Variants in SLC6A16 observed in about 807,000 individuals in gnomAD.
SLC6A16 encodes solute carrier family 6 member 16.
Under a neutral mutation model 65.4 loss-of-function variants are expected in SLC6A16, and 54 were observed. That is an observed-to-expected ratio of 0.83 (90% CI 0.66 to 1.04). The LOEUF is 1.04. Among genes scored for constraint, SLC6A16 ranks in the 50% least tolerant of loss-of-function variants. The pLI, the probability that SLC6A16 is intolerant of heterozygous loss-of-function variation, is 0.00. For missense variants in SLC6A16, 816 were observed against 914.0 expected, an observed-to-expected ratio of 0.89 and a Z score of 1.38; for synonymous variants, 330 against 346.5, an observed-to-expected ratio of 0.95 and a Z score of 0.53.
At chr19:49,300,474 G>A (rs1466922034) in intron 7 of SLC6A16, among the ~76,000 whole-genome samples, 1 of 152,134 alleles carries the variant, frequency 6.6e-6, no homozygotes, top group Admixed American at 6.6e-5. Flanking sequence ...AATTAAGAAT[G>A]CATATTGTGA....
At chr19:49,328,374 T>G (rs913294431), upstream of SLC6A16, among the ~76,000 whole-genome samples, 2 of 152,180 alleles carry the variant, frequency 1.3e-5, no homozygotes, top group Non-Finnish European at 2.9e-5. Context: ...ATGATTCAGT[T>G]ACCTCCACCT....
chr19:49,313,674 T>C (rs1048198462), intron 1 of SLC6A16, among the ~76,000 whole-genome samples: 1 of 148,420 alleles, frequency 6.7e-6, no homozygotes, highest in Non-Finnish European at 1.5e-5. Flanking sequence ...CAGGCACCTG[T>C]AATCCTAGTT....
At chr19:49,329,322 C>T (rs929140676), upstream of SLC6A16, among the ~76,000 whole-genome samples, 2 of 151,988 alleles carry the variant, frequency 1.3e-5, no homozygotes, top group Non-Finnish European at 2.9e-5. Context: ...CTCCTGACCT[C>T]GTAATCTGCC....
intron 7 of SLC6A16, among the ~76,000 whole-genome samples, chr19:49,299,816 AG>A (rs1417923320): frequency 6.6e-6 from 1 of 151,954 alleles, no homozygotes. Context: ...TGAGGTCAGG[AG>A]TTCAAGACCA....
chr19:49,309,149 G>C, intron 6 of SLC6A16, 32 bp from the exon 7 acceptor site: 1 of 1,609,408 alleles, frequency 6.2e-7, no homozygotes, highest in Non-Finnish European at 8.5e-7. Flanking sequence ...TAAGGGGGTT[G>C]TAAAAGAAGA....
chr19:49,300,469 A>C (rs1393012573), intron 7 of SLC6A16, among the ~76,000 whole-genome samples: 1 of 152,256 alleles, frequency 6.6e-6, no homozygotes, highest in Non-Finnish European at 1.5e-5. Flanking sequence ...CGATAAATTA[A>C]GAATGCATAT....
In SLC6A16 at chr19:49,325,181, C is replaced by T. The variant is rs554898431; in HGVS notation, c.-198G>A. Reference sequence around the variant, plus strand: ...CGTCGACAGATCGGTTTGGGCGACACCCCTCGATCTGCCTGGCGCGCGGCC... The same window carrying T: ...CGTCGACAGATCGGTTTGGGCGACATCCCTCGATCTGCCTGGCGCGCGGCC... On this transcript the variant is annotated 5_prime_UTR_variant, in exon 1 of 12. It adds an upstream start codon to the 5' untranslated region. Transcript: ENST00000335875. 2.0e-6 allele frequency: 2 copies of T among 985,520 alleles called. No homozygotes were observed. The highest frequency in any genetic ancestry group is 9.4e-5 in the South Asian group (2 of 21,290). The allele number at this position is 985,520 out of a possible 1,614,324, so 61.0% of individuals were successfully genotyped here. A position where few individuals can be genotyped will look rare whatever the true frequency, so the allele number is the denominator to read the frequency against.
chr19:49,305,186 A>G (rs920889398), intron 7 of SLC6A16, among the ~76,000 whole-genome samples: 1 of 152,214 alleles, frequency 6.6e-6, no homozygotes, highest in Admixed American at 6.5e-5. Context: ...GTGAGCTACC[A>G]TGTGAAGAAG....
chr19:49,310,618 A>G, intron 2 of SLC6A16, 108 bp from the exon 3 acceptor site: 1 of 1,221,138 alleles, frequency 8.2e-7, no homozygotes. Flanking sequence ...TTCCAGGGCC[A>G]CAGGCATCAG....
At chr19:49,332,143 C>T in the SLC6A16 span, 1 of 456,618 alleles carries the variant, frequency 2.2e-6, no homozygotes, top group African/African-American at 2.0e-5. Context: ...TTCTTTGCAT[C>T]TTCCATCTCC....
chr19:49,309,109 A>G lies in SLC6A16; in HGVS notation c.996T>C (p.Asp332=). 2.5e-6 allele frequency: 4 copies of G among 1,614,114 alleles called. No individual in the cohort carries two copies. Among genetic ancestry groups the G allele is most frequent in the Non-Finnish European group, 3.4e-6 (4 of 1,179,974 alleles). The part of the protein sequence containing the change: ...LQQLVVAKIS[D]VYNMSVWSLA... ...GAGACCACACACTCATATTGTACACATCCGATATCTAAAAGAGAGAAGACA... is the reference window on the plus strand; with the variant it reads ...GAGACCACACACTCATATTGTACACGTCCGATATCTAAAAGAGAGAAGACA... The change falls in exon 7 of 12, where the codon GAT becomes GAC. Residue 332 remains aspartate (D), a synonymous_variant. Coordinates refer to ENST00000335875, the MANE Select transcript of SLC6A16 (RefSeq NM_014037.3).
Position 49,292,861 on chromosome 19 carries a change from A to G in SLC6A16, c.1778+362T>C, listed in dbSNP as rs1478489117. 1.3e-5 allele frequency among the ~76,000 whole-genome samples: 2 copies of G among 152,042 alleles called. No homozygotes were observed. Among genetic ancestry groups the G allele is most frequent in the Admixed American group, 1.3e-4 (2 of 15,254 alleles). ...CTTGGTGCCCACACACACTCCCACT[A>G]TGTGCCATCTGACCTCATCCTTTGA... On this transcript the variant is annotated intron_variant, in intron 10 of 11. Coordinates refer to ENST00000335875, the MANE Select transcript of SLC6A16 (RefSeq NM_014037.3). The surrounding 1 kb of genome is among the most constrained non-coding windows in gnomAD (Gnocchi z 4.3).
upstream of SLC6A16, among the ~76,000 whole-genome samples, chr19:49,326,965 G>A (rs1194482528): frequency 6.6e-6 from 1 of 151,304 alleles, no homozygotes; most frequent in East Asian, 1.9e-4. Context: ...GTTGCAGTAA[G>A]CCAAGATCAC....
intron 4 of SLC6A16, 36 bp downstream of exon 4, chr19:49,310,004 T>C: frequency 6.3e-7 from 1 of 1,597,344 alleles, no homozygotes; most frequent in Non-Finnish European, 8.6e-7. Context: ...TACTTCTCCA[T>C]TTTTCCCTTC....
At position 49,294,502 on chromosome 19, in the gene SLC6A16, A is replaced by G. The variant is rs367650462; in HGVS notation, c.1281T>C (p.Asp427=). ...KLINLGKLPP[D]AKPPVNLLYN... ...AAAGCAGGTTGACAGGGGGCTTGGC[A>G]TCAGGAGGCAGTTTCCCTAGGTTTA... Residue 427 remains aspartate, a synonymous_variant, in exon 8 of 12, where the codon GAT becomes GAC. Coordinates refer to ENST00000335875, the MANE Select transcript of SLC6A16 (RefSeq NM_014037.3). The G allele has an allele frequency of 1.9e-5, 31 of 1,613,948 alleles. No homozygotes were observed. The highest frequency in any genetic ancestry group is 2.6e-5 in the Non-Finnish European group (31 of 1,179,950).
the SLC6A16 span, chr19:49,337,252 C>T: frequency 6.3e-7 from 1 of 1,599,582 alleles, no homozygotes; most frequent in East Asian, 2.2e-5. Flanking sequence ...ACCACCCACC[C>T]CCAGCAGGGA....
chr19:49,325,274 A>G (rs1286034555), upstream of SLC6A16: 11 of 979,138 alleles, frequency 1.1e-5, no homozygotes, highest in Non-Finnish European at 1.3e-5. Context: ...TGTAGCAAAC[A>G]CTGTAACCAC....
At chr19:49,338,838 G>A in the SLC6A16 span, 2 of 1,614,134 alleles carry the variant, frequency 1.2e-6, no homozygotes, top group Non-Finnish European at 1.7e-6. The surrounding 1 kb of genome is among the most constrained non-coding windows in gnomAD (Gnocchi z 5.0). Flanking sequence ...CCTAGATAAG[G>A]TGATCTTGCC....
chr19:49,310,615 G>T (rs1310812946), intron 2 of SLC6A16, 105 bp from the exon 3 acceptor site: 1 of 1,240,010 alleles, frequency 8.1e-7, no homozygotes, highest in Non-Finnish European at 1.2e-6. Context: ...CTCTTCCAGG[G>T]CCACAGGCAT....
Sources: allele counts gnomAD v4.1 joint callset (sites outside exome capture counted in the v4.1 genomes callset), GRCh38; gene constraint gnomAD v4.1.1; non-coding constraint Gnocchi (gnomAD v3.1); transcripts MANE v1.5; gene names NCBI Gene and HGNC (gene_info 2026-07-23, HGNC 2026-07-21).